GRIK3: variants seen among roughly 807,000 people sequenced by gnomAD.
GRIK3 encodes the protein glutamate receptor ionotropic, kainate 3.
Under a neutral mutation model 102.5 loss-of-function variants are expected in GRIK3, and 29 were observed. The observed-to-expected ratio is 0.28, with a 90% CI of 0.21 to 0.39. The LOEUF (loss-of-function observed/expected upper bound fraction) is 0.39, where lower values mean the gene tolerates loss of function less well. Among genes scored for constraint, GRIK3 ranks in the 10% least tolerant of loss-of-function variants. The pLI is 1.00. For synonymous variants in GRIK3, 511 were observed against 504.9 expected (o/e 1.01, Z -0.16); for missense variants, 908 against 1,252.4 (o/e 0.73, Z 4.15).
At chr1:37,019,396 C>T (rs940735768) in intron 1 of GRIK3, among the ~76,000 whole-genome samples, 13 of 152,178 alleles carry the variant, frequency 8.5e-5, no homozygotes, top group Admixed American at 2.6e-4. Context: ...CTCGACTGTG[C>T]GACTTTCAGT....
At chr1:37,030,481 G>A (rs1642811834) in intron 1 of GRIK3, among the ~76,000 whole-genome samples, 1 of 151,330 alleles carries the variant, frequency 6.6e-6, no homozygotes, top group Admixed American at 6.6e-5. Context: ...GCTCAGTTCT[G>A]CTCTATCTGT....
chr1:36,930,025 C>T (rs1426464732), intron 1 of GRIK3, among the ~76,000 whole-genome samples: 1 of 152,234 alleles, frequency 6.6e-6, no homozygotes, highest in Non-Finnish European at 1.5e-5. Context: ...GTCTTCATGA[C>T]ATGCTTCCCA....
rs180864112 is a variant in GRIK3, at chr1:36,898,147, G to T, written c.116-7051C>A. Reference sequence around the variant, plus strand: ...TGGGAAGGGTAGTGGTAGGCTGGGTGGGGGGAGGTGGGGGTGCTTAATAGG... The same window carrying T: ...TGGGAAGGGTAGTGGTAGGCTGGGTTGGGGGAGGTGGGGGTGCTTAATAGG... On this transcript the variant is annotated intron_variant, in intron 1 of 15. Coordinates refer to ENST00000373091, the MANE Select transcript of GRIK3 (RefSeq NM_000831.4). 5.3e-5 allele frequency among the ~76,000 whole-genome samples: 8 copies of T among 152,126 alleles called. No homozygotes were observed. The East Asian group carries it at 1.5e-3, about 29-fold the overall frequency.
At chr1:36,836,392 C>G (rs1640379127) in intron 10 of GRIK3, among the ~76,000 whole-genome samples, 1 of 152,270 alleles carries the variant, frequency 6.6e-6, no homozygotes, top group Non-Finnish European at 1.5e-5. Flanking sequence ...GTCCCTCATT[C>G]AGCGAGGCTG....
At chr1:36,841,975 G>C in intron 9 of GRIK3, 36 bp from the exon 10 acceptor site, 1 of 1,552,200 alleles carries the variant, frequency 6.4e-7, no homozygotes, top group South Asian at 1.1e-5. Context: ...GACGAAGACT[G>C]AGCAGCTAGG....
intron 1 of GRIK3, among the ~76,000 whole-genome samples, chr1:36,908,990 AC>A (rs1641315897): frequency 6.6e-6 from 1 of 152,204 alleles, no homozygotes. Context: ...CCTTCCACTC[AC>A]TACATTTAAC....
In GRIK3 at chr1:36,955,126, G is replaced by T. The variant is rs537745286; in HGVS notation, c.116-64030C>A. On this transcript the variant is annotated intron_variant, in intron 1 of 15. Coordinates refer to ENST00000373091, the MANE Select transcript of GRIK3 (RefSeq NM_000831.4). ...GCAGTGAGGGGCCACCCCAGAGTGG[G>T]TCCTGAGCTCACTGATTTGCTGAGG... 2.6e-5 allele frequency among the ~76,000 whole-genome samples: 4 copies of T among 152,324 alleles called. No homozygotes were observed. In the South Asian group the frequency reaches 6.2e-4, roughly 24 times the overall value.
chr1:36,957,463 A>ATGACTCTGTGCCCCTTGAGCCTG (rs1641929780), intron 1 of GRIK3, among the ~76,000 whole-genome samples: 14 of 45,640 alleles, frequency 3.1e-4, no homozygotes, highest in Admixed American at 4.4e-4. Context: ...CTGTGAGCCT[A>ATGACTCTGTGCCCCTTGAGCCTG]TGTGCTCTGT....
chr1:36,867,029 C>T (rs979200568), intron 5 of GRIK3, among the ~76,000 whole-genome samples: 4 of 152,206 alleles, frequency 2.6e-5, no homozygotes, highest in Admixed American at 2.6e-4. Flanking sequence ...CATCTATGTA[C>T]ACCCCTCCCA....
intron 7 of GRIK3, among the ~76,000 whole-genome samples, chr1:36,854,229 T>A (rs1297474092): frequency 6.6e-6 from 1 of 152,218 alleles, no homozygotes; most frequent in Non-Finnish European, 1.5e-5. Context: ...GGCGTCTGAA[T>A]GCTGGGTCCA....
At chr1:36,955,571 C>T (rs774904804) in intron 1 of GRIK3, among the ~76,000 whole-genome samples, 8 of 152,174 alleles carry the variant, frequency 5.3e-5, no homozygotes, top group African/African-American at 7.2e-5. Flanking sequence ...GGCTGCCCTG[C>T]TCCATACAAA....
chr1:36,967,288 C>T (rs1642090963), intron 1 of GRIK3, among the ~76,000 whole-genome samples: 1 of 152,262 alleles, frequency 6.6e-6, no homozygotes, highest in Non-Finnish European at 1.5e-5. Context: ...TGCACCTCTG[C>T]CCTTTCTATT....
At chr1:36,844,210 A>G (rs1640493700) in intron 9 of GRIK3, among the ~76,000 whole-genome samples, 1 of 152,204 alleles carries the variant, frequency 6.6e-6, no homozygotes, top group African/African-American at 2.4e-5. Context: ...TGAATCCCCA[A>G]GGGATTCCCG....
At chr1:36,974,805 A>AAAC (rs1376192578) in intron 1 of GRIK3, among the ~76,000 whole-genome samples, 1 of 151,834 alleles carries the variant, frequency 6.6e-6, no homozygotes, top group Non-Finnish European at 1.5e-5. Flanking sequence ...GTCTCAAAAA[A>AAAC]AAAAAAACAA....
chr1:36,862,475 C>T (rs890424214), intron 5 of GRIK3, among the ~76,000 whole-genome samples: 2 of 152,108 alleles, frequency 1.3e-5, no homozygotes, highest in African/African-American at 4.8e-5. Flanking sequence ...ACCTAGATAA[C>T]GCTGATGCAT....
Position 36,882,469 on chromosome 1 carries a change from G to A in GRIK3, c.293-1578C>T, listed in dbSNP as rs554460573. Among the ~76,000 whole-genome samples the A allele has an allele frequency of 5.3e-5, 8 of 152,276 alleles. No homozygotes were observed. In the South Asian group the frequency reaches 1.5e-3, roughly 28 times the overall value. On this transcript the variant is annotated intron_variant, in intron 2 of 15. Transcript: ENST00000373091. ...CTCTTAGAGTCATTCTGGGGTAGGT[G>A]GGAGAGCTCCCCAGAAGCCATTCTC... is the stretch of plus-strand genomic sequence containing the variant.
intron 9 of GRIK3, among the ~76,000 whole-genome samples, chr1:36,848,157 G>C (rs1310111109): frequency 6.6e-6 from 1 of 152,162 alleles, no homozygotes; most frequent in Admixed American, 6.5e-5. Context: ...CCCTGCAGAA[G>C]GGTTTTATGC....
intron 2 of GRIK3, among the ~76,000 whole-genome samples, chr1:36,889,698 C>T (rs1304161043): frequency 2.0e-5 from 3 of 152,218 alleles, no homozygotes; most frequent in Admixed American, 6.5e-5. Flanking sequence ...CGGGAGGGCT[C>T]GGAAACTCTG....
chr1:36,970,649 C>T (rs887731757), intron 1 of GRIK3, among the ~76,000 whole-genome samples: 4 of 152,182 alleles, frequency 2.6e-5, no homozygotes, highest in Admixed American at 1.3e-4. Context: ...TCCAGCTTGT[C>T]TTGGAGAACT....
Sources: gnomAD v4.1 joint callset for allele counts (sites outside exome capture counted in the v4.1 genomes callset) on GRCh38, gnomAD v4.1.1 for gene constraint, MANE v1.5 for transcripts, NCBI Gene and HGNC (gene_info 2026-07-23, HGNC 2026-07-21) for gene names.